Variants in DCAF6 observed in about 807,000 individuals in gnomAD.
DCAF6 encodes DDB1- and CUL4-associated factor 6.
A neutral mutation model predicts 125.1 loss-of-function variants in DCAF6; 54 were observed. The ratio of observed to expected loss-of-function variants is 0.43; its 90% CI spans 0.35 to 0.54. The LOEUF is 0.54. Among genes scored for constraint, DCAF6 ranks in the 20% least tolerant of loss-of-function variants. DCAF6 has a pLI of 0.01. For synonymous variants in DCAF6, 371 were observed against 390.4 expected (o/e 0.95, Z 0.58); for missense variants, 934 against 1,161.7 (o/e 0.80, Z 2.85).
chr1:167,913,476 G>A, the DCAF6 span, among the ~76,000 whole-genome samples: 3 of 152,112 alleles, frequency 2.0e-5, no homozygotes, highest in Admixed American at 6.5e-5. Context: ...CTCTAGCCAT[G>A]GTAATTTTTC....
chr1:167,957,680 A>G (rs146714788), intron 2 of DCAF6, among the ~76,000 whole-genome samples: 1 of 152,214 alleles, frequency 6.6e-6, no homozygotes, highest in African/African-American at 2.4e-5. Context: ...TGGTAAACTG[A>G]TATCTCACTT....
chr1:168,069,175 T>A (rs565663221), intron 21 of DCAF6, among the ~76,000 whole-genome samples: 1 of 152,330 alleles, frequency 6.6e-6, no homozygotes, highest in African/African-American at 2.4e-5. Flanking sequence ...GTAGGTTATT[T>A]GTAATAACTT....
intron 17 of DCAF6, among the ~76,000 whole-genome samples, chr1:168,052,682 G>C (rs1268622107): frequency 1.3e-5 from 2 of 152,204 alleles, no homozygotes; most frequent in Admixed American, 1.3e-4. Flanking sequence ...ATTAGGGACT[G>C]TCTTACAATG....
chr1:167,970,220 T>C (rs1677091872), intron 3 of DCAF6, among the ~76,000 whole-genome samples: 1 of 152,242 alleles, frequency 6.6e-6, no homozygotes, highest in Non-Finnish European at 1.5e-5. Context: ...AAGACCTGTT[T>C]CTGTTTTATT....
chr1:167,929,531 A>G, the DCAF6 span, among the ~76,000 whole-genome samples: 17 of 152,236 alleles, frequency 1.1e-4, no homozygotes, highest in South Asian at 6.2e-4. Flanking sequence ...TGAATATCAT[A>G]AGCAAATAAT....
the DCAF6 span, among the ~76,000 whole-genome samples, chr1:167,929,882 T>A: frequency 6.6e-6 from 1 of 152,328 alleles, no homozygotes; most frequent in Non-Finnish European, 1.5e-5. Context: ...TTTCCCTACC[T>A]CTTCCCATCC....
At chr1:167,920,632 CT>C in the DCAF6 span, 1 of 1,611,836 alleles carries the variant, frequency 6.2e-7, no homozygotes, top group Non-Finnish European at 8.5e-7. Flanking sequence ...ACACCAACCC[CT>C]ACACATTAAC....
intron 12 of DCAF6, among the ~76,000 whole-genome samples, chr1:168,031,809 C>T (rs1252423184): frequency 6.6e-6 from 1 of 151,970 alleles, no homozygotes; most frequent in Non-Finnish European, 1.5e-5. Context: ...GGCGTATTTA[C>T]TTATTTTCAT....
the DCAF6 span, among the ~76,000 whole-genome samples, chr1:167,894,167 C>T: frequency 6.6e-6 from 1 of 152,140 alleles, no homozygotes; most frequent in African/African-American, 2.4e-5. Flanking sequence ...TAGCTCAAAA[C>T]CTTGTTCAAA....
At chr1:167,974,230 T>G (rs752020599) in intron 3 of DCAF6, among the ~76,000 whole-genome samples, 1 of 152,120 alleles carries the variant, frequency 6.6e-6, no homozygotes, top group Non-Finnish European at 1.5e-5. Flanking sequence ...AAATCAGGTC[T>G]TGTCAGTTAT....
At chr1:167,945,603 T>A (rs1421113414) in intron 1 of DCAF6, among the ~76,000 whole-genome samples, 2 of 152,216 alleles carry the variant, frequency 1.3e-5, no homozygotes, top group Non-Finnish European at 2.9e-5. Context: ...GCACTTCTCC[T>A]GCCTGAGCCT....
At chr1:167,969,644 C>G (rs1676996278) in intron 3 of DCAF6, among the ~76,000 whole-genome samples, 1 of 152,098 alleles carries the variant, frequency 6.6e-6, no homozygotes, top group Non-Finnish European at 1.5e-5. Context: ...CATATTGAGG[C>G]TGTCTTTAAT....
intron 21 of DCAF6, among the ~76,000 whole-genome samples, chr1:168,072,721 G>A (rs1414678645): frequency 6.6e-6 from 1 of 152,116 alleles, no homozygotes; most frequent in Non-Finnish European, 1.5e-5. Context: ...TTTAAAGAAA[G>A]TAAATAAATT....
chr1:168,060,562 C>T (rs1272364206), intron 17 of DCAF6, among the ~76,000 whole-genome samples: 2 of 152,178 alleles, frequency 1.3e-5, no homozygotes, highest in African/African-American at 4.8e-5. Context: ...ACCTCATTTA[C>T]TAATGCAGCC....
At chr1:167,916,538 T>C in the DCAF6 span, among the ~76,000 whole-genome samples, 4 of 150,992 alleles carry the variant, frequency 2.6e-5, no homozygotes, top group Admixed American at 6.6e-5. Flanking sequence ...AAAAATTGGA[T>C]AGATTAAGAG....
intron 12 of DCAF6, among the ~76,000 whole-genome samples, chr1:168,033,093 T>G (rs1423773933): frequency 6.6e-6 from 1 of 152,162 alleles, no homozygotes; most frequent in Non-Finnish European, 1.5e-5. Context: ...AATTTCGTAG[T>G]GGAAATGTAC....
chr1:167,921,453 C>G, the DCAF6 span, among the ~76,000 whole-genome samples: 2 of 152,060 alleles, frequency 1.3e-5, no homozygotes, highest in Non-Finnish European at 2.9e-5. Flanking sequence ...AACTCCTGAC[C>G]GCAGGTGATC....
chr1:168,034,664 G>A (rs1687571494), intron 12 of DCAF6, among the ~76,000 whole-genome samples: 1 of 152,112 alleles, frequency 6.6e-6, no homozygotes, highest in South Asian at 2.1e-4. Context: ...TATAATTGAT[G>A]TATATTCATA....
the DCAF6 span, among the ~76,000 whole-genome samples, chr1:167,901,209 T>A: frequency 6.6e-6 from 1 of 152,220 alleles, no homozygotes; most frequent in Non-Finnish European, 1.5e-5. Context: ...TGGAGCTGTG[T>A]TGCAGGCTGA....
Sources: gnomAD v4.1 joint callset for allele counts (sites outside exome capture counted in the v4.1 genomes callset) on GRCh38, gnomAD v4.1.1 for gene constraint, MANE v1.5 for transcripts, NCBI Gene and HGNC (gene_info 2026-07-23, HGNC 2026-07-21) for gene names.